Variants in GPBP1 observed in about 807,000 individuals in gnomAD.
GPBP1 encodes GC-rich promoter binding protein 1, also known as vasculin.
In GPBP1, 13 loss-of-function variants were observed where a neutral mutation model predicts 56.5. That is an observed-to-expected ratio of 0.23 (90% CI 0.15 to 0.37). The LOEUF is 0.37. GPBP1 is among the 10% of genes least tolerant of loss of function. The pLI, the probability that GPBP1 is intolerant of heterozygous loss-of-function variation, is 1.00. For missense variants in GPBP1, 477 were observed against 572.3 expected (o/e 0.83, Z 1.70); for synonymous variants, 204 against 188.9 (o/e 1.08, Z -0.66).
At chr5:57,243,922 C>G (rs956112625) in intron 6 of GPBP1, among the ~76,000 whole-genome samples, 6 of 152,166 alleles carry the variant, frequency 3.9e-5, no homozygotes, top group African/African-American at 1.2e-4. Flanking sequence ...CTCCTGGACT[C>G]AAGCGGTCCT....
chr5:57,222,974 T>C (rs943885354), intron 3 of GPBP1, among the ~76,000 whole-genome samples: 5 of 152,216 alleles, frequency 3.3e-5, no homozygotes, highest in African/African-American at 1.2e-4. Context: ...GAATTGCTTA[T>C]GTAGTGTATT....
At chr5:57,223,957 C>G (rs1158426495) in intron 3 of GPBP1, among the ~76,000 whole-genome samples, 2 of 151,622 alleles carry the variant, frequency 1.3e-5, no homozygotes, top group African/African-American at 4.8e-5. Context: ...CCTCAGCCTC[C>G]CGAGTAGCTG....
At chr5:57,219,362 C>CGA (rs1561348067) in intron 3 of GPBP1, among the ~76,000 whole-genome samples, 1 of 101,948 alleles carries the variant, frequency 9.8e-6, no homozygotes, top group Non-Finnish European at 1.8e-5. Flanking sequence ...GGTGACAGAG[C>CGA]GAGACTCTGT....
chr5:57,195,019 G>A (rs1168631394), intron 2 of GPBP1, among the ~76,000 whole-genome samples: 4 of 151,910 alleles, frequency 2.6e-5, no homozygotes, highest in African/African-American at 9.7e-5. Flanking sequence ...TATATACCCA[G>A]CAGTGGGCTT....
chr5:57,190,397 C>G (rs1754468579), intron 2 of GPBP1, among the ~76,000 whole-genome samples: 1 of 151,818 alleles, frequency 6.6e-6, no homozygotes, highest in African/African-American at 2.4e-5. Context: ...CCAGCCTGGC[C>G]AACACGGTGA....
chr5:57,176,367 A>G lies in GPBP1; in HGVS notation c.-91A>G, dbSNP rs1753787178. ...GGAAAATAAAGATTACAGAGAAAAAACCAACACCTTCCTGTGCAGTCCTGT... is the reference window on the plus strand; with the variant it reads ...GGAAAATAAAGATTACAGAGAAAAAGCCAACACCTTCCTGTGCAGTCCTGT... On this transcript the variant is annotated 5_prime_UTR_variant, in exon 2 of 12. Coordinates refer to ENST00000506184, the MANE Select transcript of GPBP1 (RefSeq NM_022913.4). 1 of 193,808 alleles carries G rather than the reference A, an allele frequency of 5.2e-6. No homozygotes were observed. Among genetic ancestry groups the G allele is most frequent in the African/African-American group, 2.3e-5 (1 of 43,288 alleles). The allele number at this position is 193,808 out of a possible 1,614,324, so 12.0% of individuals were successfully genotyped here.
At chr5:57,194,500 T>C (rs1754664227) in intron 2 of GPBP1, among the ~76,000 whole-genome samples, 1 of 152,220 alleles carries the variant, frequency 6.6e-6, no homozygotes, top group Non-Finnish European at 1.5e-5. Flanking sequence ...GGAATATCAC[T>C]TCAAGCATTC....
intron 6 of GPBP1, among the ~76,000 whole-genome samples, chr5:57,236,614 A>T (rs1475109196): frequency 6.6e-6 from 1 of 151,890 alleles, no homozygotes; most frequent in African/African-American, 2.4e-5. Flanking sequence ...ATTTTTTTTT[A>T]AAAGACTGCT....
intron 11 of GPBP1, among the ~76,000 whole-genome samples, chr5:57,261,646 CT>C (rs1160258319): frequency 6.6e-6 from 1 of 152,064 alleles, no homozygotes; most frequent in African/African-American, 2.4e-5. Context: ...TTTTCCAGAC[CT>C]TTTTTGTTTT....
intron 2 of GPBP1, among the ~76,000 whole-genome samples, chr5:57,183,768 T>A (rs1261626077): frequency 6.7e-6 from 1 of 149,874 alleles, no homozygotes; most frequent in African/African-American, 2.4e-5. Flanking sequence ...GATATGAATT[T>A]TTTTTTTTTT....
intron 2 of GPBP1, among the ~76,000 whole-genome samples, chr5:57,212,179 C>T (rs567750589): frequency 6.6e-6 from 1 of 152,114 alleles, no homozygotes; most frequent in Non-Finnish European, 1.5e-5. Flanking sequence ...CCACCCACCC[C>T]AGCCTCCCAA....
chr5:57,212,759 T>C (rs969707770), intron 2 of GPBP1, among the ~76,000 whole-genome samples: 1 of 151,186 alleles, frequency 6.6e-6, no homozygotes, highest in Non-Finnish European at 1.5e-5. Flanking sequence ...AATCTCCATC[T>C]CCTGGGTTCA....
At chr5:57,233,244 TGATA>T (rs1485861996) in intron 5 of GPBP1, among the ~76,000 whole-genome samples, 4 of 152,212 alleles carry the variant, frequency 2.6e-5, no homozygotes, top group Non-Finnish European at 5.9e-5. Flanking sequence ...AGGAAAAATT[TGATA>T]GATTGGGTTT....
At chr5:57,207,938 C>G (rs542276834) in intron 2 of GPBP1, among the ~76,000 whole-genome samples, 1 of 152,052 alleles carries the variant, frequency 6.6e-6, no homozygotes, top group African/African-American at 2.4e-5. Flanking sequence ...ATGTCCCTCT[C>G]GATGACGTCC....
chr5:57,230,487 A>G (rs1756402918), intron 3 of GPBP1, among the ~76,000 whole-genome samples: 1 of 152,242 alleles, frequency 6.6e-6, no homozygotes, highest in Non-Finnish European at 1.5e-5. Context: ...TCTGATGTAG[A>G]AGGAAACTGA....
intron 3 of GPBP1, among the ~76,000 whole-genome samples, chr5:57,223,765 T>C (rs1401875426): frequency 3.3e-5 from 5 of 149,672 alleles, no homozygotes; most frequent in Non-Finnish European, 7.4e-5. Context: ...TTTAGTTATA[T>C]ATATATTTTA....
intron 2 of GPBP1, among the ~76,000 whole-genome samples, chr5:57,190,075 C>T (rs1284455023): frequency 6.6e-6 from 1 of 152,088 alleles, no homozygotes; most frequent in African/African-American, 2.4e-5. Flanking sequence ...GAGCAGGGAC[C>T]TTGTCTCATT....
chr5:57,187,451 A>G (rs1324123271), intron 2 of GPBP1, among the ~76,000 whole-genome samples: 1 of 152,162 alleles, frequency 6.6e-6, no homozygotes, highest in Admixed American at 6.6e-5. Flanking sequence ...TGCCTCAGGA[A>G]ATGTTTGAGT....
chr5:57,246,031 G>A (rs1247464780), intron 6 of GPBP1: 1 of 273,974 alleles, frequency 3.6e-6, no homozygotes, highest in African/African-American at 2.2e-5. Flanking sequence ...AATTTGTCTT[G>A]GTTTTAACAT....
Sources: allele counts gnomAD v4.1 joint callset (sites outside exome capture counted in the v4.1 genomes callset), GRCh38; gene constraint gnomAD v4.1.1; transcripts MANE v1.5; gene names NCBI Gene and HGNC (gene_info 2026-07-23, HGNC 2026-07-21).